DOCK3: variants seen among roughly 807,000 people sequenced by gnomAD.
The protein encoded by DOCK3 is dedicator of cytokinesis 3.
A neutral mutation model predicts 265.6 loss-of-function variants in DOCK3; 60 were observed. The observed-to-expected ratio is 0.23, with a 90% CI of 0.18 to 0.28. The LOEUF (loss-of-function observed/expected upper bound fraction) is 0.28, where lower values mean the gene tolerates loss of function less well. Ranked by LOEUF, DOCK3 falls within the 10% of genes least tolerant of loss-of-function variation. DOCK3 has a pLI of 1.00. For missense variants in DOCK3, 1,981 were observed against 2,594.3 expected, an observed-to-expected ratio of 0.76 and a Z score of 5.14; for synonymous variants, 881 against 938.0, an observed-to-expected ratio of 0.94 and a Z score of 1.11.
intron 5 of DOCK3, among the ~76,000 whole-genome samples, chr3:51,043,482 C>T (rs902200447): frequency 4.6e-5 from 7 of 151,948 alleles, no homozygotes; most frequent in African/African-American, 1.5e-4. Flanking sequence ...CTACAAAAAC[C>T]CTAGGAGACA....
intron 3 of DOCK3, among the ~76,000 whole-genome samples, chr3:50,882,618 C>T (rs1311837735): frequency 6.6e-6 from 1 of 152,118 alleles, no homozygotes; most frequent in Non-Finnish European, 1.5e-5. Flanking sequence ...CAGGAAACAA[C>T]AGGTATTGGA....
intron 49 of DOCK3, among the ~76,000 whole-genome samples, chr3:51,366,437 C>A (rs574312392): frequency 2.0e-5 from 3 of 152,176 alleles, no homozygotes; most frequent in East Asian, 1.9e-4. Context: ...TCAAAAAAAA[C>A]CAGCTCCTGG....
intron 12 of DOCK3, among the ~76,000 whole-genome samples, chr3:51,163,780 A>T (rs1209083949): frequency 6.6e-6 from 1 of 152,160 alleles, no homozygotes; most frequent in Non-Finnish European, 1.5e-5. Flanking sequence ...TGAATATTAA[A>T]TTTTTAATTT....
chr3:51,176,568 G>A (rs1169160690), intron 12 of DOCK3, among the ~76,000 whole-genome samples: 1 of 152,218 alleles, frequency 6.6e-6, no homozygotes, highest in Non-Finnish European at 1.5e-5. Flanking sequence ...GGAGCTTGCA[G>A]TGAGCTGAGA....
At position 50,795,930 on chromosome 3, in the gene DOCK3, G is replaced by A. The variant is rs902691237; in HGVS notation, c.121+17172G>A. 5.9e-5 allele frequency among the ~76,000 whole-genome samples: 9 copies of A among 152,024 alleles called. No homozygotes were observed. The South Asian group carries it at 6.2e-4, about 11-fold the overall frequency. On this transcript the variant is annotated intron_variant, in intron 2 of 52. Coordinates refer to ENST00000266037, the MANE Select transcript of DOCK3 (RefSeq NM_004947.5). ...ACTTAGCTTCCTTGGGTTGGGTTTT[G>A]ACATACTCTGTTATCGCAATGGTCT...
intron 36 of DOCK3, 116 bp from the exon 37 acceptor site, chr3:51,338,819 C>T (rs183982755): frequency 1.2e-6 from 1 of 830,830 alleles, no homozygotes; most frequent in East Asian, 2.7e-5. Context: ...TGCTGTCTGC[C>T]TCCAGGGCCT....
rs1476766903 is a variant in DOCK3 at position 51,242,548 on chromosome 3, C to T, written c.2103-4178C>T. Among the ~76,000 whole-genome samples, 3 of 152,156 alleles carry T rather than the reference C, an allele frequency of 2.0e-5. No homozygotes were observed. In the East Asian group the frequency reaches 5.8e-4, roughly 29 times the overall value. ...TGGCTGGGCAGAGCTGGGGCCCCTA[C>T]TGGCAACTTTTGTGCAGTCACGGTA... is the stretch of plus-strand genomic sequence containing the variant. On this transcript the variant is annotated intron_variant, in intron 21 of 52. Transcript: ENST00000266037.
intron 2 of DOCK3, among the ~76,000 whole-genome samples, chr3:50,824,477 A>G (rs1344812974): frequency 6.6e-6 from 1 of 152,170 alleles, no homozygotes; most frequent in Non-Finnish European, 1.5e-5. Context: ...TTTGAAACCA[A>G]ATTTTTTAGG....
intron 5 of DOCK3, among the ~76,000 whole-genome samples, chr3:50,938,238 ATAATCT>A (rs1329358669): frequency 1.3e-5 from 2 of 152,168 alleles, no homozygotes; most frequent in African/African-American, 4.8e-5. Flanking sequence ...GGAAGACAAA[ATAATCT>A]TAATCTAACA....
chr3:51,203,739 G>A (rs931079299), intron 12 of DOCK3, among the ~76,000 whole-genome samples: 36 of 152,154 alleles, frequency 2.4e-4, no homozygotes, highest in African/African-American at 8.5e-4. Flanking sequence ...AAAGCTGGAG[G>A]CATCACGCTA....
intron 1 of DOCK3, among the ~76,000 whole-genome samples, chr3:50,751,958 C>A (rs1458818921): frequency 6.6e-6 from 1 of 152,054 alleles, no homozygotes; most frequent in Non-Finnish European, 1.5e-5. Flanking sequence ...GAAGCCACCC[C>A]CATGATCCAA....
chr3:50,924,105 T>C (rs1365881654), intron 4 of DOCK3, among the ~76,000 whole-genome samples: 3 of 152,334 alleles, frequency 2.0e-5, no homozygotes, highest in Admixed American at 2.0e-4. Flanking sequence ...TATTGTTATC[T>C]GTGTATGCAT....
intron 12 of DOCK3, among the ~76,000 whole-genome samples, chr3:51,198,868 A>C (rs2088498272): frequency 6.6e-6 from 1 of 152,148 alleles, no homozygotes. Context: ...GTCTGTACTA[A>C]AAATACAAAA....
intron 10 of DOCK3, among the ~76,000 whole-genome samples, chr3:51,148,828 T>C (rs1294896931): frequency 1.3e-5 from 2 of 152,220 alleles, no homozygotes; most frequent in Admixed American, 6.5e-5. Flanking sequence ...CAATGTGGGC[T>C]CTTTTTTGGT....
intron 2 of DOCK3, among the ~76,000 whole-genome samples, chr3:50,836,454 G>C (rs1174737466): frequency 6.6e-6 from 1 of 152,234 alleles, no homozygotes; most frequent in Non-Finnish European, 1.5e-5. Flanking sequence ...AGCAGCCTGA[G>C]CTGTACCTTT....
chr3:50,918,743 G>C (rs940862180), intron 4 of DOCK3, among the ~76,000 whole-genome samples: 3 of 152,168 alleles, frequency 2.0e-5, no homozygotes, highest in Admixed American at 6.5e-5. Context: ...TTCTTTTGCT[G>C]TGTAGAAGCT....
chr3:51,305,066 G>A lies in DOCK3; in HGVS notation c.2923-5166G>A, dbSNP rs189217109. ...TTGTTAGATGGAGTGTTCTATAGAC[G>A]TGTGTTAGAGCTAGATAGTTTATAA... is the stretch of plus-strand genomic sequence containing the variant. On this transcript the variant is annotated intron_variant, in intron 27 of 52. Coordinates refer to ENST00000266037, the MANE Select transcript of DOCK3 (RefSeq NM_004947.5). Among the ~76,000 whole-genome samples, 498 of 152,316 alleles carry A rather than the reference G, an allele frequency of 3.3e-3. 7 individuals carry two copies. The highest frequency in any genetic ancestry group is 0.011 in the African/African-American group (449 of 41,568).
At chr3:51,222,044 A>G (rs1383519848) in intron 14 of DOCK3, among the ~76,000 whole-genome samples, 1 of 152,210 alleles carries the variant, frequency 6.6e-6, no homozygotes, top group East Asian at 1.9e-4. Context: ...TGTACACAAG[A>G]CCCACTGGAA....
intron 5 of DOCK3, among the ~76,000 whole-genome samples, chr3:50,956,439 A>G (rs1442936829): frequency 6.6e-6 from 1 of 152,174 alleles, no homozygotes; most frequent in Admixed American, 6.5e-5. Context: ...TTGGCTGTTT[A>G]TAAGATTGAA....
Sources: gnomAD v4.1 joint callset for allele counts (sites outside exome capture counted in the v4.1 genomes callset) on GRCh38, gnomAD v4.1.1 for gene constraint, MANE v1.5 for transcripts, NCBI Gene and HGNC (gene_info 2026-07-23, HGNC 2026-07-21) for gene names.